Variants in PTPN11 observed in about 807,000 individuals in gnomAD.
The protein encoded by PTPN11 is tyrosine-protein phosphatase non-receptor type 11.
PTPN11 carries 6 observed loss-of-function variants against 78.8 expected under a neutral mutation model. The observed-to-expected ratio is 0.08, with a 90% CI of 0.04 to 0.15. The LOEUF is 0.15. PTPN11 is among the 10% of genes least tolerant of loss of function. The probability of loss-of-function intolerance (pLI) is 1.00; values close to 1 mark genes in which losing one functional copy is unlikely to be tolerated. For missense variants in PTPN11, 386 were observed against 744.8 expected (o/e 0.52, Z 5.61); for synonymous variants, 221 against 263.5 (o/e 0.84, Z 1.56).
At chr12:112,473,076 T>G in intron 7 of PTPN11, 36 bp downstream of exon 7, 1 of 1,505,506 alleles carries the variant, frequency 6.6e-7, no homozygotes, top group East Asian at 2.3e-5. Context: ...ATAGTCACTC[T>G]TGGAGATTTT....
intron 10 of PTPN11, among the ~76,000 whole-genome samples, chr12:112,485,672 T>C (rs1357386404): frequency 1.3e-5 from 2 of 152,138 alleles, no homozygotes; most frequent in African/African-American, 4.8e-5. Context: ...GCATTAAATA[T>C]AAGTTTAAAA....
chr12:112,443,869 G>T (rs2037947981), intron 1 of PTPN11, among the ~76,000 whole-genome samples: 1 of 151,384 alleles, frequency 6.6e-6, no homozygotes, highest in Non-Finnish European at 1.5e-5. Context: ...GCCCAAGCTG[G>T]TCTTGAACTC....
intron 1 of PTPN11, among the ~76,000 whole-genome samples, chr12:112,444,081 G>T (rs1267413486): frequency 1.3e-5 from 2 of 152,102 alleles, no homozygotes; most frequent in Non-Finnish European, 2.9e-5. Context: ...GTGAACCACT[G>T]TGCCTGGCTG....
chr12:112,445,813 G>A (rs554816533), intron 1 of PTPN11, among the ~76,000 whole-genome samples: 1 of 151,722 alleles, frequency 6.6e-6, no homozygotes, highest in South Asian at 2.1e-4. Context: ...AGCTAATTTC[G>A]TATTTTTAGT....
At chr12:112,471,454 A>G (rs372207333) in intron 6 of PTPN11, among the ~76,000 whole-genome samples, 5 of 126,348 alleles carry the variant, frequency 4.0e-5, no homozygotes, top group East Asian at 2.3e-4. Flanking sequence ...GATAAACAGA[A>G]AGAGAGAGAG....
At chr12:112,497,470 T>C (rs2038827633) in intron 13 of PTPN11, among the ~76,000 whole-genome samples, 1 of 152,358 alleles carries the variant, frequency 6.6e-6, no homozygotes, top group African/African-American at 2.4e-5. Context: ...TTTTACTAGA[T>C]GTAAAATTTG....
At chr12:112,484,274 C>G (rs1476899000) in intron 10 of PTPN11, among the ~76,000 whole-genome samples, 2 of 152,202 alleles carry the variant, frequency 1.3e-5, no homozygotes, top group Non-Finnish European at 2.9e-5. Context: ...GTGCCAAGTT[C>G]CCAGTTGAGG....
chr12:112,470,990 T>TA (rs1326655892), intron 6 of PTPN11, among the ~76,000 whole-genome samples: 2 of 152,096 alleles, frequency 1.3e-5, no homozygotes, highest in African/African-American at 4.8e-5. Context: ...CTGAGCTCAT[T>TA]AAAAAAAATT....
chr12:112,502,012 T>G, intron 13 of PTPN11, 132 bp from the exon 14 acceptor site: 2 of 711,774 alleles, frequency 2.8e-6, no homozygotes, highest in Admixed American at 4.3e-5. Context: ...AATGTATCAG[T>G]ATTCTCAACC....
intron 1 of PTPN11, among the ~76,000 whole-genome samples, chr12:112,445,639 C>CTTTT (rs531888743): frequency 2.2e-5 from 3 of 138,952 alleles, no homozygotes; most frequent in Admixed American, 7.3e-5. Context: ...GAAACTTATT[C>CTTTT]TTTTTTTTTT....
At chr12:112,487,170 T>C (rs1197607502) in intron 11 of PTPN11, among the ~76,000 whole-genome samples, 1 of 152,002 alleles carries the variant, frequency 6.6e-6, no homozygotes, top group Non-Finnish European at 1.5e-5. Context: ...AGTCTTGTTT[T>C]GTTGCCCAGG....
chr12:112,454,249 A>T (rs1356533250), intron 4 of PTPN11, among the ~76,000 whole-genome samples: 1 of 152,038 alleles, frequency 6.6e-6, no homozygotes, highest in East Asian at 1.9e-4. Flanking sequence ...CCTCCTGAGT[A>T]GCAGGGATTA....
intron 5 of PTPN11, 43 bp from the exon 6 acceptor site, chr12:112,455,907 G>C: frequency 1.1e-6 from 1 of 941,904 alleles, no homozygotes; most frequent in Middle Eastern, 3.4e-4. Context: ...ACCGTTTTCT[G>C]TAATATTTTC....
chr12:112,503,932 C>T (rs1257501637), intron 14 of PTPN11, among the ~76,000 whole-genome samples: 2 of 152,134 alleles, frequency 1.3e-5, no homozygotes, highest in South Asian at 2.1e-4. Context: ...CTGTCCTAGG[C>T]CCTAAACCAC....
At chr12:112,419,456 C>T (rs945424120) in intron 1 of PTPN11, among the ~76,000 whole-genome samples, 1 of 152,214 alleles carries the variant, frequency 6.6e-6, no homozygotes, top group Non-Finnish European at 1.5e-5. Context: ...TGACCCATTG[C>T]CTCATGAGAA....
chr12:112,424,583 T>C (rs2037576268), intron 1 of PTPN11, among the ~76,000 whole-genome samples: 1 of 152,194 alleles, frequency 6.6e-6, no homozygotes, highest in African/African-American at 2.4e-5. Context: ...GAGGTAGTTT[T>C]TGTTTATTGC....
chr12:112,451,275 G>C (rs997886868), intron 3 of PTPN11, among the ~76,000 whole-genome samples: 4 of 152,100 alleles, frequency 2.6e-5, no homozygotes, highest in African/African-American at 9.7e-5. Flanking sequence ...CGTAGCTTCA[G>C]GCAAAAGGCT....
chr12:112,442,828 TTTTATATA>T (rs1256888123), intron 1 of PTPN11, among the ~76,000 whole-genome samples: 6 of 54,998 alleles, frequency 1.1e-4, no homozygotes, highest in African/African-American at 3.7e-4. Context: ...CTCTCTCTCT[TTTTATATA>T]TATATATATA....
At chr12:112,454,790 G>GTACCCA (rs752500033) in intron 5 of PTPN11, 110 bp downstream of exon 5, 1 of 699,844 alleles carries the variant, frequency 1.4e-6, no homozygotes, top group South Asian at 1.5e-5. Context: ...CAGCCTCCAT[G>GTACCCA]TACCCATTGC....
Sources: gnomAD v4.1 joint callset for allele counts (sites outside exome capture counted in the v4.1 genomes callset) on GRCh38, gnomAD v4.1.1 for gene constraint, MANE v1.5 for transcripts, NCBI Gene and HGNC (gene_info 2026-07-23, HGNC 2026-07-21) for gene names.